The following SF1 variants were observed in gnomAD, a reference collection of about 807,000 sequenced individuals.
The protein encoded by SF1 is branch point-binding protein.
In SF1, 7 loss-of-function variants were observed where a neutral mutation model predicts 62.5. That is an observed-to-expected ratio of 0.11 (90% CI 0.06 to 0.21). SF1 has a LOEUF of 0.21. Ranked by LOEUF, SF1 falls within the 10% of genes least tolerant of loss-of-function variation. SF1 has a pLI of 1.00. For missense variants in SF1, 578 were observed against 884.0 expected (o/e 0.65, Z 4.39); for synonymous variants, 394 against 323.6 (o/e 1.22, Z -2.33).
At chr11:64,776,404 T>C in intron 2 of SF1, 94 bp downstream of exon 2, 1 of 1,367,112 alleles carries the variant, frequency 7.3e-7, no homozygotes, top group Non-Finnish European at 1.0e-6. Flanking sequence ...TCAAAAAAGA[T>C]AACTACAATC....
intron 1 of SF1, among the ~76,000 whole-genome samples, chr11:64,776,921 G>C (rs750486423): frequency 2.0e-5 from 3 of 152,092 alleles, no homozygotes; most frequent in African/African-American, 7.3e-5. Context: ...GCTGCAGAGA[G>C]TGTTAGATAG....
intron 3 of SF1, chr11:64,772,094 G>A (rs1938414870): frequency 1.0e-6 from 1 of 985,400 alleles, no homozygotes; most frequent in Non-Finnish European, 1.2e-6. Flanking sequence ...TTGCAGAAGT[G>A]AAAGGCAAAA....
intron 12 of SF1, chr11:64,766,443 C>T (rs1035831665): frequency 1.4e-5 from 7 of 502,066 alleles, no homozygotes; most frequent in African/African-American, 6.0e-5. Flanking sequence ...GATGTCCCTC[C>T]GCCCAGCCGC....
At chr11:64,772,073 C>A (rs575478692) in intron 3 of SF1, 1 of 985,394 alleles carries the variant, frequency 1.0e-6, no homozygotes, top group Admixed American at 6.1e-5. Flanking sequence ...ACAGTTTAAC[C>A]TCCTCCCAAA....
intron 2 of SF1, among the ~76,000 whole-genome samples, chr11:64,775,461 G>A (rs913858705): frequency 2.6e-5 from 4 of 152,270 alleles, no homozygotes; most frequent in African/African-American, 4.8e-5. Flanking sequence ...GAACAGTAGG[G>A]GAAAGAACAA....
chr11:64,773,388 GGT>G, intron 3 of SF1, 40 bp downstream of exon 3: 1 of 1,605,468 alleles, frequency 6.2e-7, no homozygotes, highest in Non-Finnish European at 8.5e-7. Flanking sequence ...TTGAGAAAAA[GGT>G]AAAAGCGTTA....
intron 1 of SF1, 106 bp from the exon 2 acceptor site, chr11:64,776,732 G>C: frequency 9.0e-7 from 1 of 1,105,352 alleles, no homozygotes; most frequent in Non-Finnish European, 1.3e-6. Flanking sequence ...CTGTGAAGCT[G>C]AGAGCTTAAC....
In SF1 at chr11:64,769,146, A is replaced by G. The variant is rs1937874637; in HGVS notation, c.780-17T>C. 1.9e-6 allele frequency: 3 copies of G among 1,611,882 alleles called. No individual in the cohort carries two copies. Among genetic ancestry groups the G allele is most frequent in the South Asian group, 2.2e-5 (2 of 91,030 alleles). ...CTTAAGATCCTATTAAAGGAAAAAGAGGTCAATGCAAGGGAACAATCTCTA... is the reference window on the plus strand; with the variant it reads ...CTTAAGATCCTATTAAAGGAAAAAGGGGTCAATGCAAGGGAACAATCTCTA... On this transcript the variant is annotated splice_polypyrimidine_tract_variant and intron_variant, in intron 7 of 12. Transcript: ENST00000377390.
chr11:64,770,464 C>T lies in SF1; in HGVS notation c.237-56G>A, dbSNP rs566538154. ...TGCACCGACTTCTCTCATTCCCACA[C>T]GGACTATAACAAGTCTTTCCCAGCC... On this transcript the variant is annotated intron_variant, in intron 3 of 12. Coordinates refer to ENST00000377390, the MANE Select transcript of SF1 (RefSeq NM_004630.4). 89 of 1,575,778 alleles carry T rather than the reference C, an allele frequency of 5.6e-5. 3 individuals are homozygous for T. The South Asian group carries it at 8.3e-4, about 15-fold the overall frequency.
Position 64,765,864 on chromosome 11 carries a change from G to A in SF1, c.1874C>T (p.Pro625Leu). The change falls in exon 13 of 13, where the codon CCC (proline) becomes CTC (leucine). Residue 625 changes from proline (P) to leucine (L), a missense_variant. Physicochemically the swap from Pro to Leu is moderately conservative, Grantham distance 98. Coordinates refer to ENST00000377390, the MANE Select transcript of SF1 (RefSeq NM_004630.4). ...MMGMGVAGMPPFGMPPAPPPP... is the reference protein window; with the variant it reads ...MMGMGVAGMPLFGMPPAPPPP... The stretch of plus-strand genomic sequence containing the variant: ...TGGGGGAGCTGGAGGCATCCCGAAG[G>A]GCGGCATGCCCGCCACCCCCATGCC... 6.4e-7 allele frequency: 1 copy of A among 1,561,590 alleles called. No individual in the cohort carries two copies. Among genetic ancestry groups the A allele is most frequent in the Non-Finnish European group, 8.7e-7 (1 of 1,153,344 alleles).
intron 3 of SF1, 120 bp downstream of exon 3, chr11:64,773,310 G>A (rs1341904871): frequency 1.3e-6 from 2 of 1,487,498 alleles, no homozygotes; most frequent in African/African-American, 1.5e-5. Flanking sequence ...CCCCAAAGTG[G>A]TCAGGGTACA....
intron 1 of SF1, 27 bp from the exon 2 acceptor site, chr11:64,776,653 G>T (rs770379118): frequency 5.0e-6 from 8 of 1,603,078 alleles, no homozygotes; most frequent in African/African-American, 1.4e-5. Context: ...AAATCCATCC[G>T]ATGTAAATAC....
At chr11:64,777,771 G>A (rs1395954834) in intron 1 of SF1, 12 of 984,802 alleles carry the variant, frequency 1.2e-5, no homozygotes, top group Middle Eastern at 5.2e-4. Context: ...TGCGCACAGA[G>A]CGCCTCCCGC....
intron 1 of SF1, 185 bp downstream of exon 1, chr11:64,778,165 GGGCGGCGGCGGA>G (rs1339992894): frequency 5.3e-5 from 48 of 898,722 alleles, no homozygotes; most frequent in Non-Finnish European, 6.4e-5. Flanking sequence ...GAGGCGGAGG[GGGCGGCGGCGGA>G]GGCGGCGGAG....
rs2058628089 is a variant in SF1 at position 64,765,965 on chromosome 11, A to ACCAGGC, written c.1767_1772dup (p.Pro590_Gly591dup). On this transcript the variant is annotated inframe_insertion, in exon 13 of 13. Coordinates refer to ENST00000377390, the MANE Select transcript of SF1 (RefSeq NM_004630.4). ...GCGGGGCATACATCATGCCGGCGGA[A>ACCAGGC]CCAGGCGGTGGAGGCGGCGGAGGGG... is the stretch of plus-strand genomic sequence containing the variant. 2.0e-5 allele frequency: 29 copies of ACCAGGC among 1,430,608 alleles called. No individual in the cohort carries two copies. The highest frequency in any genetic ancestry group is 2.6e-5 in the Non-Finnish European group (28 of 1,069,210). The allele number at this position is 1,430,608 out of a possible 1,614,324, so 88.6% of individuals were successfully genotyped here.
chr11:64,774,522 C>T (rs1362716541), intron 2 of SF1, among the ~76,000 whole-genome samples: 1 of 152,194 alleles, frequency 6.6e-6, no homozygotes, highest in African/African-American at 2.4e-5. Flanking sequence ...GCAAATGTTA[C>T]TAGGTTGGGT....
Position 64,765,446 on chromosome 11 carries a change from TG to T in SF1, c.*371del. 6.2e-7 allele frequency: 1 copy of T among 1,606,538 alleles called. No homozygotes were observed. The highest frequency in any genetic ancestry group is 1.7e-4 in the Middle Eastern group (1 of 5,956). ...AGGGGCGTTGCTGAGGCTGTCTGCC[TG>T]GAAGGGTCACCAATGGGCGCGGAAA... On this transcript the variant is annotated 3_prime_UTR_variant, in exon 13 of 13. Transcript: ENST00000377390.
chr11:64,778,165 G>C (rs1257752391), intron 1 of SF1, 197 bp downstream of exon 1: 3 of 898,832 alleles, frequency 3.3e-6, no homozygotes, highest in Non-Finnish European at 1.4e-6. Context: ...GAGGCGGAGG[G>C]GGCGGCGGCG....
Position 64,772,658 on chromosome 11 carries a change from G to A in SF1, c.236+772C>T, listed in dbSNP as rs982969603. The A allele has an allele frequency of 5.1e-6, 5 of 985,238 alleles. No individual in the cohort carries two copies. In the African/African-American group the frequency reaches 7.0e-5, roughly 14 times the overall value. The allele number at this position is 985,238 out of a possible 1,614,324, so 61.0% of individuals were successfully genotyped here. On this transcript the variant is annotated intron_variant, in intron 3 of 12. Coordinates refer to ENST00000377390, the MANE Select transcript of SF1 (RefSeq NM_004630.4). ...AGACTTACTGCCCTTCTAATTAAAT[G>A]ACCAATTTTAGCTGTTCAATCAGCT... is the stretch of plus-strand genomic sequence containing the variant.
Sources: gnomAD v4.1 joint callset for allele counts (sites outside exome capture counted in the v4.1 genomes callset) on GRCh38, gnomAD v4.1.1 for gene constraint, MANE v1.5 for transcripts, NCBI Gene and HGNC (gene_info 2026-07-23, HGNC 2026-07-21) for gene names.